Variants in EFCAB6 observed in about 807,000 individuals in gnomAD.
EFCAB6 encodes EF-hand calcium-binding domain-containing protein 6.
In EFCAB6, 156 loss-of-function variants were observed where a neutral mutation model predicts 169.8. The ratio of observed to expected loss-of-function variants is 0.92; its 90% CI spans 0.81 to 1.05. The LOEUF (loss-of-function observed/expected upper bound fraction) is 1.05, where lower values mean the gene tolerates loss of function less well. EFCAB6 is among the 50% of genes least tolerant of loss of function. EFCAB6 has a pLI of 0.00. For synonymous variants in EFCAB6, 698 were observed against 676.4 expected, an observed-to-expected ratio of 1.03 and a Z score of -0.50; for missense variants, 1,800 against 1,829.1, an observed-to-expected ratio of 0.98 and a Z score of 0.29.
intron 6 of EFCAB6, among the ~76,000 whole-genome samples, chr22:43,747,828 T>A (rs1399145909): frequency 6.6e-6 from 1 of 152,178 alleles, no homozygotes; most frequent in Non-Finnish European, 1.5e-5. Context: ...AGGGGTGACT[T>A]TCTCTTACAA....
intron 27 of EFCAB6, 55 bp from the exon 28 acceptor site, chr22:43,540,412 C>T (rs774693131): frequency 2.2e-5 from 36 of 1,608,346 alleles, no homozygotes; most frequent in East Asian, 6.7e-5. Context: ...CAGGCAGCGT[C>T]GCACCTGTGC....
At chr22:43,798,079 G>T (rs1381137718) in intron 2 of EFCAB6, among the ~76,000 whole-genome samples, 1 of 152,118 alleles carries the variant, frequency 6.6e-6, no homozygotes, top group Admixed American at 6.5e-5. Flanking sequence ...CTGGGTTGGG[G>T]TGGGGCCTAA....
intron 2 of EFCAB6, among the ~76,000 whole-genome samples, chr22:43,800,913 G>A (rs942170014): frequency 6.6e-6 from 1 of 152,100 alleles, no homozygotes; most frequent in African/African-American, 2.4e-5. Flanking sequence ...GGGGTACAAA[G>A]CTTATTCAAA....
intron 7 of EFCAB6, among the ~76,000 whole-genome samples, chr22:43,734,671 C>T (rs1412939367): frequency 1.3e-5 from 2 of 151,168 alleles, no homozygotes; most frequent in Non-Finnish European, 2.9e-5. Flanking sequence ...CTTTCCCAGC[C>T]GGAAAAGATG....
chr22:43,794,300 CAT>C (rs1487594753), intron 2 of EFCAB6, among the ~76,000 whole-genome samples: 2 of 152,200 alleles, frequency 1.3e-5, no homozygotes, highest in Admixed American at 1.3e-4. Context: ...GGTGTTATCT[CAT>C]TTAATCATCA....
intron 17 of EFCAB6, among the ~76,000 whole-genome samples, chr22:43,666,631 C>A (rs1381450349): frequency 1.3e-5 from 2 of 150,956 alleles, no homozygotes; most frequent in African/African-American, 4.9e-5. Context: ...AGAAACTCAC[C>A]AGTTCCCATA....
At chr22:43,538,826 G>A (rs963203124) in intron 28 of EFCAB6, among the ~76,000 whole-genome samples, 5 of 152,082 alleles carry the variant, frequency 3.3e-5, no homozygotes, top group Non-Finnish European at 5.9e-5. Context: ...TGCTGTAACA[G>A]ATTTCCGTGA....
At chr22:43,532,088 C>A (rs1464267596) in intron 30 of EFCAB6, 1 of 152,286 alleles carries the variant, frequency 6.6e-6, no homozygotes, top group African/African-American at 2.4e-5. Context: ...CCTACTCTCT[C>A]CTGAAAAGCC....
In EFCAB6 at chr22:43,628,593, T is replaced by A. The variant is rs949623481; in HGVS notation, c.2233-1914A>T. Among the ~76,000 whole-genome samples the A allele has an allele frequency of 2.0e-5, 3 of 152,128 alleles. No individual in the cohort carries two copies. Among genetic ancestry groups the A allele is most frequent in the Non-Finnish European group, 4.4e-5 (3 of 68,030 alleles). On this transcript the variant is annotated intron_variant, in intron 19 of 31. Transcript: ENST00000262726. The surrounding 1 kb of genome is among the most constrained non-coding windows in gnomAD (Gnocchi z 4.8). ...CCTGGCCGTGGCCCACAAGCCTGTC[T>A]ACACCCCCATCCCACCCGTCCCCTC...
chr22:43,808,427 C>T (rs1477901993), intron 2 of EFCAB6, among the ~76,000 whole-genome samples: 4 of 152,162 alleles, frequency 2.6e-5, no homozygotes, highest in Admixed American at 2.6e-4. Context: ...TATAGCCCTA[C>T]AGACTTACTG....
chr22:43,736,965 G>A (rs1031277021), intron 6 of EFCAB6, among the ~76,000 whole-genome samples: 9 of 151,662 alleles, frequency 5.9e-5, no homozygotes, highest in South Asian at 2.1e-4. Context: ...CCTGAGCTCC[G>A]GCCTCCCTCC....
chr22:43,642,907 C>A (rs2055894987), intron 17 of EFCAB6, among the ~76,000 whole-genome samples: 2 of 152,164 alleles, frequency 1.3e-5, no homozygotes, highest in African/African-American at 4.8e-5. Context: ...GTGAAGAACA[C>A]CATGAATGGT....
At chr22:43,604,602 G>C (rs2052774550) in intron 22 of EFCAB6, among the ~76,000 whole-genome samples, 1 of 152,108 alleles carries the variant, frequency 6.6e-6, no homozygotes, top group Non-Finnish European at 1.5e-5. Context: ...TCCCTGTCCA[G>C]AGGTTCCACC....
chr22:43,680,115 TATTTAG>T (rs1295542625), intron 12 of EFCAB6, among the ~76,000 whole-genome samples: 1 of 152,234 alleles, frequency 6.6e-6, no homozygotes, highest in Non-Finnish European at 1.5e-5. Flanking sequence ...TTAGCTTTTA[TATTTAG>T]ATCTATTTGT....
At chr22:43,743,992 T>C in intron 6 of EFCAB6, among the ~76,000 whole-genome samples, 1 of 81,144 alleles carries the variant, frequency 1.2e-5, no homozygotes, top group Non-Finnish European at 2.9e-5. Context: ...GATAGGTAAA[T>C]GGATGAATGA....
At chr22:43,701,426 T>C (rs889136968) in intron 10 of EFCAB6, among the ~76,000 whole-genome samples, 4 of 152,214 alleles carry the variant, frequency 2.6e-5, no homozygotes, top group African/African-American at 4.8e-5. Flanking sequence ...GAACTCAATG[T>C]TCTCTGTAAA....
chr22:43,559,237 T>C (rs2048886776), intron 26 of EFCAB6, among the ~76,000 whole-genome samples: 1 of 152,182 alleles, frequency 6.6e-6, no homozygotes. Flanking sequence ...AAGACATTTA[T>C]GTGGCCAATA....
intron 26 of EFCAB6, among the ~76,000 whole-genome samples, chr22:43,570,458 G>T (rs1485187076): frequency 1.3e-5 from 2 of 152,134 alleles, no homozygotes; most frequent in Non-Finnish European, 2.9e-5. Flanking sequence ...TAAAAACAAG[G>T]TGATACTCTA....
chr22:43,770,231 G>A (rs1037491601), intron 4 of EFCAB6, among the ~76,000 whole-genome samples: 2 of 152,038 alleles, frequency 1.3e-5, no homozygotes, highest in Non-Finnish European at 2.9e-5. Context: ...TGAACTCCTT[G>A]GCTCAAATGA....
Sources: gnomAD v4.1 joint callset for allele counts (sites outside exome capture counted in the v4.1 genomes callset) on GRCh38, gnomAD v4.1.1 for gene constraint, Gnocchi (gnomAD v3.1) non-coding constraint, MANE v1.5 for transcripts, NCBI Gene and HGNC (gene_info 2026-07-23, HGNC 2026-07-21) for gene names.